The following MYO3B variants were observed in gnomAD, a reference collection of about 807,000 sequenced individuals.
The protein encoded by MYO3B is myosin-IIIb.
In MYO3B, 156 loss-of-function variants were observed where a neutral mutation model predicts 174.6. That is an observed-to-expected ratio of 0.89 (90% CI 0.78 to 1.02). MYO3B has a LOEUF of 1.02. MYO3B is among the 50% of genes least tolerant of loss of function. The pLI, the probability that MYO3B is intolerant of heterozygous loss-of-function variation, is 0.00. For missense variants in MYO3B, 1,632 were observed against 1,639.4 expected (o/e 1.00, Z 0.08); for synonymous variants, 563 against 569.1 (o/e 0.99, Z 0.15).
chr2:170,563,179 C>T (rs1261509531), intron 32 of MYO3B, among the ~76,000 whole-genome samples: 1 of 151,626 alleles, frequency 6.6e-6, no homozygotes, highest in Non-Finnish European at 1.5e-5. Context: ...CAAACAGAAT[C>T]TCAGCAGGAA....
chr2:170,190,137 A>C (rs2092521640), intron 1 of MYO3B, among the ~76,000 whole-genome samples: 1 of 152,102 alleles, frequency 6.6e-6, no homozygotes, highest in African/African-American at 2.4e-5. Context: ...GATCTGGAGG[A>C]ATTCTCTGGA....
At chr2:170,529,614 G>T (rs1559087679) in intron 30 of MYO3B, among the ~76,000 whole-genome samples, 3 of 152,060 alleles carry the variant, frequency 2.0e-5, no homozygotes, top group African/African-American at 7.2e-5. Flanking sequence ...TAGAAATTCA[G>T]CACATTGCTG....
chr2:170,254,285 C>T (rs575671267), intron 7 of MYO3B, among the ~76,000 whole-genome samples: 13 of 152,242 alleles, frequency 8.5e-5, no homozygotes, highest in South Asian at 4.1e-4. Context: ...ACCTGCATGG[C>T]GCCCAGAAGG....
At chr2:170,266,066 T>C (rs141423264) in intron 7 of MYO3B, among the ~76,000 whole-genome samples, 46 of 152,142 alleles carry the variant, frequency 3.0e-4, no homozygotes, top group African/African-American at 1.1e-3. Flanking sequence ...ATTCAGAGAA[T>C]TAAACACAAG....
intron 9 of MYO3B, among the ~76,000 whole-genome samples, chr2:170,376,709 C>A (rs551252414): frequency 6.6e-6 from 1 of 151,936 alleles, no homozygotes. Flanking sequence ...CACTCTTGGA[C>A]GGAGGAGAGG....
At chr2:170,588,321 C>T (rs529853928) in intron 32 of MYO3B, among the ~76,000 whole-genome samples, 8 of 152,190 alleles carry the variant, frequency 5.3e-5, no homozygotes, top group African/African-American at 1.9e-4. Context: ...TACCTGTAGT[C>T]CTAGCTACTC....
At chr2:170,543,362 G>A (rs1266105530) in intron 31 of MYO3B, among the ~76,000 whole-genome samples, 1 of 152,106 alleles carries the variant, frequency 6.6e-6, no homozygotes, top group African/African-American at 2.4e-5. Flanking sequence ...GTGACTTGGA[G>A]CCCACAGCAG....
chr2:170,398,436 T>A (rs941586331), intron 16 of MYO3B, among the ~76,000 whole-genome samples: 4 of 152,242 alleles, frequency 2.6e-5, no homozygotes, highest in Middle Eastern at 3.4e-3. Context: ...TTCACATGAT[T>A]GGTTAATCAT....
intron 8 of MYO3B, among the ~76,000 whole-genome samples, chr2:170,361,910 C>T (rs1296154705): frequency 6.6e-6 from 1 of 152,180 alleles, no homozygotes; most frequent in African/African-American, 2.4e-5. Context: ...ATCTCCTTCC[C>T]TAAGAACATA....
intron 28 of MYO3B, among the ~76,000 whole-genome samples, chr2:170,513,452 C>G (rs1310017525): frequency 6.6e-6 from 1 of 152,294 alleles, no homozygotes; most frequent in East Asian, 1.9e-4. Context: ...CATATGCGTT[C>G]TCACTGAGTC....
chr2:170,187,574 G>A (rs2092481989), intron 1 of MYO3B, among the ~76,000 whole-genome samples: 1 of 152,006 alleles, frequency 6.6e-6, no homozygotes, highest in African/African-American at 2.4e-5. Context: ...TTTATTTGAA[G>A]TTTTTCTACT....
chr2:170,496,337 G>C (rs1042967673), intron 25 of MYO3B, among the ~76,000 whole-genome samples: 4 of 152,146 alleles, frequency 2.6e-5, no homozygotes, highest in African/African-American at 9.7e-5. Context: ...ATTTGGCAGG[G>C]GGGAGGGATA....
At chr2:170,288,644 T>G (rs1016453646) in intron 7 of MYO3B, among the ~76,000 whole-genome samples, 1 of 152,078 alleles carries the variant, frequency 6.6e-6, no homozygotes, top group Admixed American at 6.6e-5. Context: ...TTTCTAGATA[T>G]GAAATCATGT....
intron 28 of MYO3B, among the ~76,000 whole-genome samples, chr2:170,511,769 C>T (rs1237212914): frequency 3.9e-5 from 6 of 152,152 alleles, no homozygotes; most frequent in Non-Finnish European, 7.3e-5. Context: ...CCCATCAAGA[C>T]GGAGCAGTCT....
At chr2:170,551,466 G>A (rs1690905322) in intron 32 of MYO3B, among the ~76,000 whole-genome samples, 1 of 138,636 alleles carries the variant, frequency 7.2e-6, no homozygotes, top group Admixed American at 7.8e-5. Flanking sequence ...CACCTCCTGG[G>A]TTCATGTGAT....
intron 22 of MYO3B, among the ~76,000 whole-genome samples, chr2:170,409,950 T>A (rs901523050): frequency 6.6e-6 from 1 of 152,338 alleles, no homozygotes; most frequent in South Asian, 2.1e-4. Context: ...CCTTTGAAGA[T>A]GGGAAACCTC....
intron 30 of MYO3B, among the ~76,000 whole-genome samples, chr2:170,540,921 G>C (rs916429843): frequency 2.0e-5 from 3 of 151,962 alleles, no homozygotes; most frequent in Non-Finnish European, 4.4e-5. Context: ...AAAGCCTCTC[G>C]GGAAAGAAAC....
chr2:170,499,125 G>A (rs148559349), intron 26 of MYO3B, among the ~76,000 whole-genome samples: 79 of 152,224 alleles, frequency 5.2e-4, no homozygotes, highest in African/African-American at 1.8e-3. Context: ...TTTTCATTTG[G>A]GAGAACGTCA....
intron 16 of MYO3B, 121 bp downstream of exon 16, chr2:170,392,616 T>C: frequency 1.7e-6 from 1 of 578,628 alleles, no homozygotes; most frequent in Admixed American, 3.7e-5. Context: ...GGTCATGTTA[T>C]AAGGTCTTGC....
Sources: allele counts gnomAD v4.1 joint callset (sites outside exome capture counted in the v4.1 genomes callset), GRCh38; gene constraint gnomAD v4.1.1; transcripts MANE v1.5; gene names NCBI Gene and HGNC (gene_info 2026-07-23, HGNC 2026-07-21).